The following RBMS3 variants were observed in gnomAD, a reference collection of about 807,000 sequenced individuals.
The protein encoded by RBMS3 is RNA-binding motif, single-stranded-interacting protein 3.
In RBMS3, 27 loss-of-function variants were observed where a neutral mutation model predicts 66.8. That is an observed-to-expected ratio of 0.40 (90% CI 0.30 to 0.56). The LOEUF is 0.56. RBMS3 is among the 20% of genes least tolerant of loss of function. The pLI is 0.40. For synonymous variants in RBMS3, 188 were observed against 183.0 expected, an observed-to-expected ratio of 1.03 and a Z score of -0.22; for missense variants, 513 against 549.5, an observed-to-expected ratio of 0.93 and a Z score of 0.66.
intron 4 of RBMS3, among the ~76,000 whole-genome samples, chr3:29,590,640 A>G (rs1016406397): frequency 2.0e-5 from 3 of 152,076 alleles, no homozygotes; most frequent in African/African-American, 7.2e-5. Context: ...CAGACTATGA[A>G]TTTTGGCTGT....
intron 12 of RBMS3, among the ~76,000 whole-genome samples, chr3:29,965,635 G>T (rs1280428415): frequency 6.6e-6 from 1 of 152,082 alleles, no homozygotes; most frequent in Non-Finnish European, 1.5e-5. Context: ...TCGGTCCTTT[G>T]TCAGATGTAT....
chr3:29,911,017 T>C (rs963984566), intron 10 of RBMS3, among the ~76,000 whole-genome samples: 1 of 151,968 alleles, frequency 6.6e-6, no homozygotes, highest in Non-Finnish European at 1.5e-5. Context: ...AGAAAACAAA[T>C]AATTCTAATA....
chr3:29,358,025 C>A (rs1325623329), intron 1 of RBMS3, among the ~76,000 whole-genome samples: 2 of 152,096 alleles, frequency 1.3e-5, no homozygotes, highest in African/African-American at 4.8e-5. Flanking sequence ...ATGGTAGTTT[C>A]TTTTGCTGTG....
At chr3:29,835,913 T>A (rs1463548453) in intron 6 of RBMS3, among the ~76,000 whole-genome samples, 1 of 151,474 alleles carries the variant, frequency 6.6e-6, no homozygotes, top group Non-Finnish European at 1.5e-5. Flanking sequence ...TTTAAATAAA[T>A]ATGATCAGAA....
At chr3:29,308,999 A>G (rs1017609514) in intron 1 of RBMS3, among the ~76,000 whole-genome samples, 45 of 151,766 alleles carry the variant, frequency 3.0e-4, no homozygotes, top group Non-Finnish European at 2.9e-5. Flanking sequence ...GAGAACTTGG[A>G]GACAAGTCAG....
rs112841314 is a variant in RBMS3 at position 29,767,935 on chromosome 3, G to A, written c.637+4946G>A. Among the ~76,000 whole-genome samples the A allele has an allele frequency of 6.5e-3, 983 of 151,990 alleles. 10 individuals are homozygous for A. Among genetic ancestry groups the A allele is most frequent in the African/African-American group, 0.022 (901 of 41,506 alleles). On this transcript the variant is annotated intron_variant, in intron 6 of 14. Coordinates refer to ENST00000383767, the MANE Select transcript of RBMS3 (RefSeq NM_001003793.3). ...CAAATACAACTATAGCTGAGAAGAGGTAACAAATAAAAAATGCTATGGTAT... is the reference window on the plus strand; with the variant it reads ...CAAATACAACTATAGCTGAGAAGAGATAACAAATAAAAAATGCTATGGTAT...
chr3:29,656,142 A>G (rs1244540519), intron 4 of RBMS3, among the ~76,000 whole-genome samples: 1 of 152,110 alleles, frequency 6.6e-6, no homozygotes, highest in Non-Finnish European at 1.5e-5. Flanking sequence ...ATTATTGAGG[A>G]AAGAAAATTT....
intron 2 of RBMS3, among the ~76,000 whole-genome samples, chr3:29,486,034 T>G (rs1167413497): frequency 6.6e-6 from 1 of 152,188 alleles, no homozygotes; most frequent in Non-Finnish European, 1.5e-5. Context: ...AGAGTAGTTT[T>G]CATTCTAATC....
intron 10 of RBMS3, among the ~76,000 whole-genome samples, chr3:29,923,862 T>A (rs1344582356): frequency 3.9e-5 from 6 of 152,208 alleles, no homozygotes; most frequent in African/African-American, 1.4e-4. Flanking sequence ...CATAAAGTCC[T>A]ATTTGTTCCT....
intron 2 of RBMS3, among the ~76,000 whole-genome samples, chr3:29,476,937 C>T (rs558892859): frequency 6.6e-6 from 1 of 152,068 alleles, no homozygotes; most frequent in Non-Finnish European, 1.5e-5. Context: ...AACTGTCATT[C>T]TTTTACAGAC....
rs1699815702 is a variant in RBMS3 at position 30,006,828 on chromosome 3, T to C, written c.*2966T>C. 2.0e-5 allele frequency: 3 copies of C among 152,164 alleles called. No homozygotes were observed. The South Asian group carries it at 6.2e-4, about 31-fold the overall frequency. The allele number at this position is 152,164 out of a possible 1,614,324, so 9.4% of individuals were successfully genotyped here. A position where few individuals can be genotyped will look rare whatever the true frequency, so the allele number is the denominator to read the frequency against. On this transcript the variant is annotated 3_prime_UTR_variant, in exon 15 of 15. Coordinates refer to ENST00000383767, the MANE Select transcript of RBMS3 (RefSeq NM_001003793.3). ...AGGTAGCTACCATGTGGCTAATGAA[T>C]GTGCCTAGGTAACTTCCTGTTTCTA...
At chr3:29,608,733 T>A (rs1459086470) in intron 4 of RBMS3, among the ~76,000 whole-genome samples, 1 of 152,012 alleles carries the variant, frequency 6.6e-6, no homozygotes, top group Non-Finnish European at 1.5e-5. Context: ...AGGGAAAGTA[T>A]AGCTTAATTT....
At chr3:29,504,884 G>A (rs1475069316) in intron 3 of RBMS3, among the ~76,000 whole-genome samples, 1 of 152,072 alleles carries the variant, frequency 6.6e-6, no homozygotes, top group Non-Finnish European at 1.5e-5. Context: ...CTCTTTGTAT[G>A]TCTTCTTTTG....
At chr3:29,328,404 C>A (rs532724259) in intron 1 of RBMS3, among the ~76,000 whole-genome samples, 1 of 152,096 alleles carries the variant, frequency 6.6e-6, no homozygotes, top group Non-Finnish European at 1.5e-5. Context: ...AATGAAACGA[C>A]AAAAAGGACA....
intron 12 of RBMS3, among the ~76,000 whole-genome samples, chr3:29,985,512 G>A (rs192770570): frequency 1.3e-5 from 2 of 152,142 alleles, no homozygotes; most frequent in South Asian, 2.1e-4. Flanking sequence ...TTTGCCAGTT[G>A]TGAAGACTGT....
At chr3:29,891,613 C>T (rs1331918032) in intron 8 of RBMS3, among the ~76,000 whole-genome samples, 1 of 151,450 alleles carries the variant, frequency 6.6e-6, no homozygotes. Context: ...AAAATCTCAT[C>T]TTTCCTGTGC....
chr3:29,489,695 G>A (rs558669252), intron 3 of RBMS3, among the ~76,000 whole-genome samples: 1 of 148,756 alleles, frequency 6.7e-6, no homozygotes, highest in East Asian at 2.0e-4. Context: ...TGGATGTTCA[G>A]GAGAGAGAAT....
intron 11 of RBMS3, among the ~76,000 whole-genome samples, chr3:29,940,707 A>G (rs2061371573): frequency 1.3e-5 from 2 of 151,632 alleles, no homozygotes; most frequent in South Asian, 2.1e-4. Context: ...TGCCACCTCA[A>G]ATGTTTATTG....
intron 1 of RBMS3, among the ~76,000 whole-genome samples, chr3:29,312,779 G>C (rs531987168): frequency 2.6e-5 from 4 of 151,058 alleles, no homozygotes; most frequent in African/African-American, 9.7e-5. Context: ...TGCATGTGCC[G>C]TGACTCCCTG....
Sources: gnomAD v4.1 joint callset for allele counts (sites outside exome capture counted in the v4.1 genomes callset) on GRCh38, gnomAD v4.1.1 for gene constraint, MANE v1.5 for transcripts, NCBI Gene and HGNC (gene_info 2026-07-23, HGNC 2026-07-21) for gene names.